The following NMBR variants were observed in gnomAD, a reference collection of about 807,000 sequenced individuals.
The protein encoded by NMBR is neuromedin-B receptor.
In NMBR, 16 loss-of-function variants were observed where a neutral mutation model predicts 20.5. The ratio of observed to expected loss-of-function variants is 0.78; its 90% CI spans 0.53 to 1.19. The LOEUF is 1.19. NMBR is among the 50% of genes most tolerant of loss of function. The pLI is 0.00. For synonymous variants in NMBR, 212 were observed against 196.6 expected, an observed-to-expected ratio of 1.08 and a Z score of -0.65; for missense variants, 582 against 499.1, an observed-to-expected ratio of 1.17 and a Z score of -1.58.
At chr6:142,140,060 C>T (rs1010276321) in intron 1 of NMBR, among the ~76,000 whole-genome samples, 1 of 151,992 alleles carries the variant, frequency 6.6e-6, no homozygotes, top group Admixed American at 6.6e-5. Context: ...ATTCGTAGTG[C>T]ACTGAAAATT....
chr6:142,101,977 G>A (rs577739375), intron 1 of NMBR, among the ~76,000 whole-genome samples: 1 of 152,086 alleles, frequency 6.6e-6, no homozygotes, highest in Admixed American at 6.5e-5. Flanking sequence ...TAGCACACCA[G>A]GGAGACTACT....
At chr6:142,137,063 T>C (rs1366151184) in intron 1 of NMBR, among the ~76,000 whole-genome samples, 6 of 152,238 alleles carry the variant, frequency 3.9e-5, no homozygotes, top group African/African-American at 1.4e-4. Flanking sequence ...GGGGATGGTA[T>C]TGAATCTATA....
intron 1 of NMBR, among the ~76,000 whole-genome samples, chr6:142,115,139 C>T (rs985197773): frequency 6.6e-6 from 1 of 152,016 alleles, no homozygotes; most frequent in Non-Finnish European, 1.5e-5. Context: ...TATGCAAATA[C>T]GTCAAGTGAC....
chr6:142,091,335 G>A, intron 1 of NMBR, among the ~76,000 whole-genome samples: 1 of 152,078 alleles, frequency 6.6e-6, no homozygotes, highest in East Asian at 1.9e-4. Flanking sequence ...CAATTCTCCT[G>A]CCTCACCTTC....
intron 1 of NMBR, among the ~76,000 whole-genome samples, chr6:142,130,427 T>C (rs562667216): frequency 6.6e-6 from 1 of 152,250 alleles, no homozygotes; most frequent in East Asian, 1.9e-4. Context: ...ACTTTTTAAA[T>C]ATTTAAGGCA....
At chr6:142,092,355 CAAG>C (rs1162040176) in intron 1 of NMBR, among the ~76,000 whole-genome samples, 1 of 151,746 alleles carries the variant, frequency 6.6e-6, no homozygotes, top group Non-Finnish European at 1.5e-5. Context: ...GTTGCACAGG[CAAG>C]AAGAATAAAA....
At position 142,108,217 on chromosome 6, in the gene NMBR, T is replaced by A. The variant is rs1010381864; in HGVS notation, c.-663-18896A>T. Among the ~76,000 whole-genome samples the A allele has an allele frequency of 7.2e-5, 11 of 152,234 alleles. No individual in the cohort carries two copies. The East Asian group carries it at 2.1e-3, about 29-fold the overall frequency. On this transcript the variant is annotated intron_variant, in intron 1 of 3. Transcript: ENST00000258042. Reference sequence around the variant, plus strand: ...TCCAAATTTGACTTAAAACCATCTATACATCAAAGAAACTCAATAAATTCC... The same window carrying A: ...TCCAAATTTGACTTAAAACCATCTAAACATCAAAGAAACTCAATAAATTCC...
intron 2 of NMBR, among the ~76,000 whole-genome samples, chr6:142,082,608 G>A (rs1412480879): frequency 6.6e-6 from 1 of 152,222 alleles, no homozygotes; most frequent in African/African-American, 2.4e-5. Flanking sequence ...TGATTCTGAT[G>A]ATAAGCCGGG....
intron 1 of NMBR, among the ~76,000 whole-genome samples, chr6:142,142,626 T>G (rs1265279247): frequency 3.9e-5 from 6 of 151,966 alleles, no homozygotes; most frequent in Non-Finnish European, 8.8e-5. Context: ...GTGTTTAACG[T>G]TGAACTGGAA....
In NMBR at chr6:142,135,068, T is replaced by G. The variant is rs980018001; in HGVS notation, c.-664+11976A>C. The G allele has an allele frequency of 7.7e-6, 3 of 390,606 alleles. No individual in the cohort carries two copies. The East Asian group carries it at 1.1e-4, about 15-fold the overall frequency. The allele number at this position is 390,606 out of a possible 1,614,324, so 24.2% of individuals were successfully genotyped here. ...TAAAATATAGTGCCTGGTTGTAAGG[T>G]AAGGATTCTTGAAGAAATATTTCAT... On this transcript the variant is annotated intron_variant, in intron 1 of 3. Coordinates refer to ENST00000258042, the MANE Select transcript of NMBR (RefSeq NM_002511.4).
At chr6:142,091,466 C>T (rs915821111) in intron 1 of NMBR, among the ~76,000 whole-genome samples, 3 of 152,142 alleles carry the variant, frequency 2.0e-5, no homozygotes, top group Non-Finnish European at 4.4e-5. Context: ...CTCAAGCAAT[C>T]CTCTTGCCTC....
chr6:142,134,825 T>C, intron 1 of NMBR: 1 of 669,344 alleles, frequency 1.5e-6, no homozygotes, highest in Non-Finnish European at 2.7e-6. Context: ...ATTTTTCTCA[T>C]TGCAATAAAT....
chr6:142,108,903 A>G (rs1044645028), intron 1 of NMBR, among the ~76,000 whole-genome samples: 1 of 152,198 alleles, frequency 6.6e-6, no homozygotes, highest in African/African-American at 2.4e-5. Context: ...AACCTGTAAA[A>G]TCAAAAGCAA....
chr6:142,078,897 T>C lies in NMBR; in HGVS notation c.429A>G (p.Arg143=), dbSNP rs1413751128. 1.3e-5 allele frequency: 21 copies of C among 1,594,030 alleles called. No homozygotes were observed. The highest frequency in any genetic ancestry group is 1.8e-5 in the Non-Finnish European group (21 of 1,169,380). The stretch of plus-strand genomic sequence containing the variant: ...GCATGTCCATGGGGTTAACGATGGC[T>C]CTGTACCTGGGAAAATGATACATCT... The part of the protein sequence containing the change: ...TLTALSADRY[R]AIVNPMDMQT... Residue 143 remains arginine (R), a synonymous_variant, in exon 3 of 4, where the codon AGA becomes AGG. Transcript: ENST00000258042.
chr6:142,128,093 T>C (rs1778069931), intron 1 of NMBR, among the ~76,000 whole-genome samples: 1 of 152,048 alleles, frequency 6.6e-6, no homozygotes, highest in Non-Finnish European at 1.5e-5. Context: ...TCAGTGTTGC[T>C]CTTGTGACAG....
In NMBR at chr6:142,099,526, ATCCCCCTTGATTCAATCATC is replaced by A. The variant is rs998687415; in HGVS notation, c.-663-10225_-663-10206del. Among the ~76,000 whole-genome samples, 82 of 152,210 alleles carry A rather than the reference ATCCCCCTTGATTCAATCATC, an allele frequency of 5.4e-4. 2 individuals are homozygous for A. Among genetic ancestry groups the A allele is most frequent in the Non-Finnish European group, 1.0e-3 (71 of 67,986 alleles). ...ATCATGAAAACAACAAGGGGGAAGT[ATCCCCCTTGATTCAATCATC>A]TCCCACCAGGCCCCTCCCCCGACAT... On this transcript the variant is annotated intron_variant, in intron 1 of 3. Transcript: ENST00000258042.
At chr6:142,140,290 G>A (rs945191964) in intron 1 of NMBR, among the ~76,000 whole-genome samples, 1 of 152,020 alleles carries the variant, frequency 6.6e-6, no homozygotes, top group South Asian at 2.1e-4. Flanking sequence ...ATCAAGTGTA[G>A]AAGTATACTA....
intron 1 of NMBR, among the ~76,000 whole-genome samples, chr6:142,094,229 C>A (rs895594697): frequency 6.6e-6 from 1 of 152,110 alleles, no homozygotes; most frequent in East Asian, 1.9e-4. Context: ...CTTGCCCATG[C>A]CTATGTCCTG....
At chr6:142,118,179 G>A (rs1455942620) in intron 1 of NMBR, among the ~76,000 whole-genome samples, 1 of 151,882 alleles carries the variant, frequency 6.6e-6, no homozygotes, top group Non-Finnish European at 1.5e-5. Context: ...GTGCCATAAT[G>A]TTCATTAACT....
Sources: allele counts gnomAD v4.1 joint callset (sites outside exome capture counted in the v4.1 genomes callset), GRCh38; gene constraint gnomAD v4.1.1; transcripts MANE v1.5; gene names NCBI Gene and HGNC (gene_info 2026-07-23, HGNC 2026-07-21).